The following DIP2C variants were observed in gnomAD, a reference collection of about 807,000 sequenced individuals.
DIP2C encodes the protein DIP2 acetate--CoA ligase C (putative).
Under a neutral mutation model 192.4 loss-of-function variants are expected in DIP2C, and 33 were observed. That is an observed-to-expected ratio of 0.17 (90% CI 0.13 to 0.23). DIP2C has a LOEUF of 0.23. DIP2C is among the 10% of genes least tolerant of loss of function. The pLI is 1.00. For synonymous variants in DIP2C, 979 were observed against 864.1 expected, an observed-to-expected ratio of 1.13 and a Z score of -2.33; for missense variants, 1,537 against 2,110.1, an observed-to-expected ratio of 0.73 and a Z score of 5.32.
At position 418,013 on chromosome 10, in the gene DIP2C, C is replaced by T. The variant is rs1191294996; in HGVS notation, c.739+1052G>A. On this transcript the variant is annotated intron_variant, in intron 6 of 36. Transcript: ENST00000280886. ...CTGTCCACCTGCACCTGTCAGGGCG[C>T]GGACAGGCCTCCCTGTCCACCTGTT... 3.1e-3 allele frequency among the ~76,000 whole-genome samples: 155 copies of T among 49,984 alleles called. 26 individuals are homozygous for T. The highest frequency in any genetic ancestry group is 0.012 in the Middle Eastern group (1 of 82). 32.8% of individuals were successfully genotyped at this position (49,984 alleles called of 152,430 possible).
intron 1 of DIP2C, chr10:650,995 C>A: frequency 1.4e-6 from 1 of 717,444 alleles, no homozygotes. Flanking sequence ...CCATCTCTCC[C>A]GGTGCCAGGG....
At chr10:382,040 C>A (rs1206885575) in intron 17 of DIP2C, among the ~76,000 whole-genome samples, 2 of 152,204 alleles carry the variant, frequency 1.3e-5, no homozygotes, top group Non-Finnish European at 1.5e-5. Context: ...CCACAGACGG[C>A]TCCACTTAGG....
intron 31 of DIP2C, among the ~76,000 whole-genome samples, chr10:320,865 A>G (rs190103561): frequency 2.6e-5 from 4 of 152,306 alleles, no homozygotes; most frequent in Admixed American, 1.3e-4. Context: ...GGAAAGTGTG[A>G]AGGAGGAGGA....
At position 542,014 on chromosome 10, in the gene DIP2C, G is replaced by C. The variant is rs1022723043; in HGVS notation, c.86-55484C>G. On this transcript the variant is annotated intron_variant, in intron 1 of 36. Coordinates refer to ENST00000280886, the MANE Select transcript of DIP2C (RefSeq NM_014974.3). Reference sequence around the variant, plus strand: ...CTGGGGACTCCCAGTGCACACGTTGGTCTCCTGCACACTTGGCTCTTCTAT... The same window carrying C: ...CTGGGGACTCCCAGTGCACACGTTGCTCTCCTGCACACTTGGCTCTTCTAT... Among the ~76,000 whole-genome samples, 4 of 152,200 alleles carry C rather than the reference G, an allele frequency of 2.6e-5. 1 individual carries two copies. Among genetic ancestry groups the C allele is most frequent in the South Asian group, 4.1e-4 (2 of 4,836 alleles).
At chr10:338,994 TG>T (rs1958013281) in intron 29 of DIP2C, among the ~76,000 whole-genome samples, 2 of 151,436 alleles carry the variant, frequency 1.3e-5, no homozygotes, top group Non-Finnish European at 3.0e-5. Context: ...CACCCCTCTG[TG>T]GACTCCCCTC....
intron 1 of DIP2C, among the ~76,000 whole-genome samples, chr10:682,369 C>G (rs993957113): frequency 6.6e-6 from 1 of 152,200 alleles, no homozygotes; most frequent in Admixed American, 6.5e-5. Context: ...TGCCACCTCC[C>G]TCCTCAAACT....
chr10:550,892 G>A (rs1202468097), intron 1 of DIP2C, among the ~76,000 whole-genome samples: 2 of 152,210 alleles, frequency 1.3e-5, no homozygotes, highest in Non-Finnish European at 2.9e-5. Context: ...AGTCAGGCCT[G>A]CACACCCGAT....
At chr10:531,955 TATAG>T (rs1180678742) in intron 1 of DIP2C, among the ~76,000 whole-genome samples, 2 of 152,254 alleles carry the variant, frequency 1.3e-5, no homozygotes, top group East Asian at 1.9e-4. Flanking sequence ...AACTTTGTTT[TATAG>T]ATAAACAGAG....
chr10:568,337 G>A (rs961892334), intron 1 of DIP2C, among the ~76,000 whole-genome samples: 3 of 152,200 alleles, frequency 2.0e-5, no homozygotes, highest in Non-Finnish European at 4.4e-5. Context: ...TGAAATCAGA[G>A]CTAGAGTTCT....
At chr10:599,037 C>T (rs1455593034) in intron 1 of DIP2C, among the ~76,000 whole-genome samples, 1 of 152,200 alleles carries the variant, frequency 6.6e-6, no homozygotes, top group African/African-American at 2.4e-5. Flanking sequence ...CGGCGAAGAC[C>T]GTGTGGAATA....
chr10:522,580 T>G lies in DIP2C; in HGVS notation c.86-36050A>C, dbSNP rs528508132. 5.3e-5 allele frequency among the ~76,000 whole-genome samples: 8 copies of G among 152,358 alleles called. No homozygotes were observed. The East Asian group carries it at 7.7e-4, about 15-fold the overall frequency. On this transcript the variant is annotated intron_variant, in intron 1 of 36. Transcript: ENST00000280886. ...CACGCGGCGGTGTCGCAGTTCCAGT[T>G]TTGGCCAGGCTGCTGGGTGCGCAGT...
At chr10:393,797 GAAAA>G (rs1161399125) in intron 10 of DIP2C, among the ~76,000 whole-genome samples, 5 of 78,798 alleles carry the variant, frequency 6.3e-5, no homozygotes, top group Admixed American at 1.3e-4. Context: ...AAAAAAAAAA[GAAAA>G]AAAAAGAAAA....
chr10:425,378 G>T (rs1966518538), intron 4 of DIP2C, among the ~76,000 whole-genome samples: 1 of 144,072 alleles, frequency 6.9e-6, no homozygotes, highest in Non-Finnish European at 1.5e-5. Context: ...GGATGATACG[G>T]CATGACCAGC....
intron 1 of DIP2C, among the ~76,000 whole-genome samples, chr10:537,968 T>C (rs1375521908): frequency 6.6e-6 from 1 of 151,994 alleles, no homozygotes; most frequent in Non-Finnish European, 1.5e-5. Flanking sequence ...TTTTGTATTT[T>C]TGGTAGAGAC....
At chr10:480,262 A>G (rs1444276233) in intron 2 of DIP2C, among the ~76,000 whole-genome samples, 1 of 136,308 alleles carries the variant, frequency 7.3e-6, no homozygotes, top group Non-Finnish European at 1.5e-5. Flanking sequence ...CTCATCCACC[A>G]GCCTGAGCTC....
intron 4 of DIP2C, among the ~76,000 whole-genome samples, chr10:428,313 A>G (rs1966727609): frequency 6.6e-6 from 1 of 152,154 alleles, no homozygotes; most frequent in Non-Finnish European, 1.5e-5. Flanking sequence ...CCTAAAGTAC[A>G]TTCTTTAGCA....
chr10:571,266 G>A (rs1341180011), intron 1 of DIP2C, among the ~76,000 whole-genome samples: 2 of 152,208 alleles, frequency 1.3e-5, no homozygotes, highest in Admixed American at 1.3e-4. Flanking sequence ...TCGGGATAAC[G>A]TCGACCACAT....
intron 26 of DIP2C, among the ~76,000 whole-genome samples, chr10:348,072 C>CA (rs1264762359): frequency 6.6e-6 from 1 of 152,082 alleles, no homozygotes; most frequent in African/African-American, 2.4e-5. Context: ...CGCGTCGCCA[C>CA]ACTTTCTAGG....
chr10:449,923 A>C (rs57818508), intron 3 of DIP2C, among the ~76,000 whole-genome samples: 2,637 of 75,206 alleles, frequency 0.035, 28 homozygotes, highest in Middle Eastern at 0.097. Context: ...ACAACAACAA[A>C]AAAAAAAAAA....
Sources: gnomAD v4.1 joint callset for allele counts (sites outside exome capture counted in the v4.1 genomes callset) on GRCh38, gnomAD v4.1.1 for gene constraint, MANE v1.5 for transcripts, NCBI Gene and HGNC (gene_info 2026-07-23, HGNC 2026-07-21) for gene names.